Variants in MAF observed in about 807,000 individuals in gnomAD.
The protein encoded by MAF is MAF bZIP transcription factor.
MAF carries 10 observed loss-of-function variants against 22.0 expected under a neutral mutation model. The observed-to-expected ratio is 0.45, with a 90% confidence interval of 0.28 to 0.77. The LOEUF is 0.77. Ranked by LOEUF, MAF falls within the 30% of genes least tolerant of loss-of-function variation. The probability of loss-of-function intolerance (pLI) is 0.12; values close to 1 mark genes in which losing one functional copy is unlikely to be tolerated. For synonymous variants in MAF, 337 were observed against 255.8 expected, an observed-to-expected ratio of 1.32 and a Z score of -3.03; for missense variants, 544 against 548.4, an observed-to-expected ratio of 0.99 and a Z score of 0.08.
intron 1 of MAF, chr16:79,596,989 A>T: frequency 9.5e-7 from 1 of 1,053,564 alleles, no homozygotes; most frequent in Non-Finnish European, 1.1e-6. Flanking sequence ...TGAATGTAAA[A>T]TACCCCTACA....
the MAF span, among the ~76,000 whole-genome samples, chr16:79,378,092 GCA>G: frequency 6.6e-6 from 1 of 152,088 alleles, no homozygotes; most frequent in Admixed American, 6.6e-5. Flanking sequence ...GATGGGGATG[GCA>G]CTGAATCTAT....
chr16:79,499,865 C>G, the MAF span, among the ~76,000 whole-genome samples: 1 of 152,286 alleles, frequency 6.6e-6, no homozygotes, highest in East Asian at 1.9e-4. Flanking sequence ...GTGAATATTA[C>G]CTTATAGGTC....
At chr16:79,431,558 C>G in the MAF span, among the ~76,000 whole-genome samples, 1 of 152,130 alleles carries the variant, frequency 6.6e-6, no homozygotes, top group Non-Finnish European at 1.5e-5. Flanking sequence ...CTCAGTTTCT[C>G]TATATTCAAA....
chr16:79,415,696 G>A, the MAF span, among the ~76,000 whole-genome samples: 21 of 151,800 alleles, frequency 1.4e-4, no homozygotes, highest in African/African-American at 4.8e-4. Context: ...CCTTCTGCTT[G>A]TGCCATATTA....
At chr16:79,460,460 G>A in the MAF span, among the ~76,000 whole-genome samples, 1 of 152,014 alleles carries the variant, frequency 6.6e-6, no homozygotes, top group East Asian at 1.9e-4. Flanking sequence ...ATTCCACTTG[G>A]AACTCTATTA....
the MAF span, among the ~76,000 whole-genome samples, chr16:79,414,053 G>A: frequency 6.6e-6 from 1 of 152,166 alleles, no homozygotes; most frequent in Non-Finnish European, 1.5e-5. Context: ...TTAGGTCACT[G>A]CCTAGTCTAG....
downstream of MAF, chr16:79,585,808 C>T (rs1175113806): frequency 3.5e-6 from 2 of 571,114 alleles, no homozygotes; most frequent in Non-Finnish European, 3.0e-6. Context: ...CTTTTCCCTT[C>T]ATTTAAAAAA....
At chr16:79,364,596 C>G in the MAF span, among the ~76,000 whole-genome samples, 1 of 152,240 alleles carries the variant, frequency 6.6e-6, no homozygotes, top group Non-Finnish European at 1.5e-5. Context: ...TGTTTTCCAA[C>G]TACAAATCAT....
At chr16:79,257,907 C>G in the MAF span, among the ~76,000 whole-genome samples, 3 of 152,134 alleles carry the variant, frequency 2.0e-5, no homozygotes, top group African/African-American at 7.2e-5. Context: ...AAATTTTGCC[C>G]AGATGTTATC....
At chr16:79,227,544 C>T in the MAF span, among the ~76,000 whole-genome samples, 1 of 151,972 alleles carries the variant, frequency 6.6e-6, no homozygotes, top group Non-Finnish European at 1.5e-5. Context: ...CTCATGTCTC[C>T]ACCTCAGTGC....
chr16:79,292,593 G>C, the MAF span, among the ~76,000 whole-genome samples: 1 of 152,184 alleles, frequency 6.6e-6, no homozygotes, highest in Non-Finnish European at 1.5e-5. Flanking sequence ...AGAGGCATTT[G>C]AACCAGGCAA....
the MAF span, among the ~76,000 whole-genome samples, chr16:79,230,654 T>C: frequency 6.6e-6 from 1 of 152,150 alleles, no homozygotes; most frequent in Non-Finnish European, 1.5e-5. Flanking sequence ...TCCTTTAAAC[T>C]TGAAGAAATT....
chr16:79,418,180 C>T, the MAF span, among the ~76,000 whole-genome samples: 1 of 152,162 alleles, frequency 6.6e-6, no homozygotes, highest in Non-Finnish European at 1.5e-5. Context: ...AACACAGGCT[C>T]CAGCGCGGCT....
chr16:79,283,196 G>A, the MAF span, among the ~76,000 whole-genome samples: 1 of 152,104 alleles, frequency 6.6e-6, no homozygotes, highest in East Asian at 1.9e-4. Flanking sequence ...ATGGATGGAT[G>A]GATGAATGGA....
At chr16:79,318,601 G>A in the MAF span, among the ~76,000 whole-genome samples, 255 of 152,298 alleles carry the variant, frequency 1.7e-3, no homozygotes, top group East Asian at 0.027. Flanking sequence ...AGCCCTTGGC[G>A]CAACATCACT....
chr16:79,438,901 A>G, the MAF span, among the ~76,000 whole-genome samples: 2 of 152,200 alleles, frequency 1.3e-5, no homozygotes, highest in South Asian at 2.1e-4. Flanking sequence ...GGGACCGTCC[A>G]GGGAGGTAGG....
chr16:79,305,378 T>C, the MAF span, among the ~76,000 whole-genome samples: 2 of 152,184 alleles, frequency 1.3e-5, no homozygotes, highest in African/African-American at 4.8e-5. Context: ...CCCAACCTAC[T>C]TCCAACCTCC....
chr16:79,470,365 AGG>A, the MAF span, among the ~76,000 whole-genome samples: 1 of 152,018 alleles, frequency 6.6e-6, no homozygotes, highest in Non-Finnish European at 1.5e-5. Flanking sequence ...GAGCCCCCCC[AGG>A]GGCTCAGCTC....
chr16:79,546,168 T>C, the MAF span, among the ~76,000 whole-genome samples: 1 of 152,174 alleles, frequency 6.6e-6, no homozygotes, highest in African/African-American at 2.4e-5. Context: ...CTTGATTTTA[T>C]TGGATAAAGG....
Sources: gnomAD v4.1 joint callset for allele counts (sites outside exome capture counted in the v4.1 genomes callset) on GRCh38, gnomAD v4.1.1 for gene constraint, MANE v1.5 for transcripts, NCBI Gene and HGNC (gene_info 2026-07-23, HGNC 2026-07-21) for gene names.